RPS6KA2: variants seen among roughly 807,000 people sequenced by gnomAD.
RPS6KA2 encodes the protein ribosomal protein S6 kinase A2.
In RPS6KA2, 42 loss-of-function variants were observed where a neutral mutation model predicts 91.8. The ratio of observed to expected loss-of-function variants is 0.46; its 90% CI spans 0.36 to 0.59. The LOEUF (loss-of-function observed/expected upper bound fraction) is 0.59, where lower values mean the gene tolerates loss of function less well. RPS6KA2 is among the 20% of genes least tolerant of loss of function. The pLI, the probability that RPS6KA2 is intolerant of heterozygous loss-of-function variation, is 0.00. For synonymous variants in RPS6KA2, 414 were observed against 393.6 expected, an observed-to-expected ratio of 1.05 and a Z score of -0.61; for missense variants, 798 against 978.5, an observed-to-expected ratio of 0.82 and a Z score of 2.46.
At chr6:166,590,598 G>A (rs545443131) in intron 1 of RPS6KA2, among the ~76,000 whole-genome samples, 61 of 152,166 alleles carry the variant, frequency 4.0e-4, no homozygotes, top group Non-Finnish European at 7.2e-4. Context: ...GGAATGAGTT[G>A]ATTGCTGCTG....
At chr6:166,649,064 T>C (rs1268657725) in intron 2 of RPS6KA2, among the ~76,000 whole-genome samples, 1 of 152,194 alleles carries the variant, frequency 6.6e-6, no homozygotes. Flanking sequence ...TACCACAAAA[T>C]GTGACTCAAT....
At chr6:166,848,600 C>G (rs926124869) in intron 2 of RPS6KA2, among the ~76,000 whole-genome samples, 5 of 152,232 alleles carry the variant, frequency 3.3e-5, no homozygotes, top group African/African-American at 4.8e-5. Context: ...ATGGCATTCA[C>G]TGCAACCTGG....
chr6:166,423,553 A>G lies in RPS6KA2; in HGVS notation c.1582-136T>C, dbSNP rs1024230723. On this transcript the variant is annotated intron_variant, in intron 16 of 20. Transcript: ENST00000265678. The surrounding 1 kb of genome is among the most constrained non-coding windows in gnomAD (Gnocchi z 4.8). ...TCCTGCAAGCAGGCAACAGGCCAACAGTGTCAACAGCTGCTGTCTTCTCCA... is the reference window on the plus strand; with the variant it reads ...TCCTGCAAGCAGGCAACAGGCCAACGGTGTCAACAGCTGCTGTCTTCTCCA... 5 of 758,488 alleles carry G rather than the reference A, an allele frequency of 6.6e-6. No homozygotes were observed. The African/African-American group carries it at 7.1e-5, about 11-fold the overall frequency. 47.0% of individuals were successfully genotyped at this position (758,488 alleles called of 1,614,324 possible).
intron 2 of RPS6KA2, chr6:166,702,178 G>T: frequency 6.2e-7 from 1 of 1,601,408 alleles, no homozygotes; most frequent in African/African-American, 1.3e-5. Flanking sequence ...TGTTCCGAAT[G>T]GTGGCACCTT....
intron 2 of RPS6KA2, among the ~76,000 whole-genome samples, chr6:166,848,181 G>A (rs1780653110): frequency 6.6e-6 from 1 of 152,130 alleles, no homozygotes; most frequent in Non-Finnish European, 1.5e-5. Flanking sequence ...TATTATCAGG[G>A]AAATGCATAT....
chr6:166,669,858 G>C (rs1195311863), intron 2 of RPS6KA2, among the ~76,000 whole-genome samples: 1 of 152,222 alleles, frequency 6.6e-6, no homozygotes, highest in Non-Finnish European at 1.5e-5. Context: ...CCTATGGGGA[G>C]ACCTACTATG....
intron 2 of RPS6KA2, among the ~76,000 whole-genome samples, chr6:166,661,140 G>A (rs966417196): frequency 4.0e-5 from 6 of 148,322 alleles, no homozygotes; most frequent in East Asian, 2.0e-4. Context: ...TCGCTCTGTC[G>A]CCCAGCCTGG....
chr6:166,826,390 C>G (rs1780049057), intron 2 of RPS6KA2, among the ~76,000 whole-genome samples: 2 of 152,204 alleles, frequency 1.3e-5, no homozygotes, highest in African/African-American at 4.8e-5. Flanking sequence ...GTCCTGAGCA[C>G]TTTGCTCACA....
At chr6:166,461,481 C>G (rs1012993465) in intron 11 of RPS6KA2, among the ~76,000 whole-genome samples, 1 of 142,386 alleles carries the variant, frequency 7.0e-6, no homozygotes, top group South Asian at 2.3e-4. Flanking sequence ...TGTGTGAGAG[C>G]AAGCGAGGGA....
Position 166,612,016 on chromosome 6 carries a change from A to C in RPS6KA2, c.99+14905T>G, listed in dbSNP as rs1046904793. Among the ~76,000 whole-genome samples the C allele has an allele frequency of 1.3e-5, 2 of 152,236 alleles. No individual in the cohort carries two copies. The highest frequency in any genetic ancestry group is 2.9e-5 in the Non-Finnish European group (2 of 68,048). On this transcript the variant is annotated intron_variant, in intron 1 of 20. Coordinates refer to ENST00000265678, the MANE Select transcript of RPS6KA2 (RefSeq NM_021135.6). This position sits in a 1 kb window ranked among gnomAD's most constrained non-coding sequence, Gnocchi z 4.3. Reference sequence around the variant, plus strand: ...AGGCTTGGCTTTCTCCAACTGCCTCATCCTCTAATTGCACAGAAGAAATAC... The same window carrying C: ...AGGCTTGGCTTTCTCCAACTGCCTCCTCCTCTAATTGCACAGAAGAAATAC...
intron 1 of RPS6KA2, among the ~76,000 whole-genome samples, chr6:166,621,321 C>T (rs747919217): frequency 7.9e-5 from 12 of 152,200 alleles, no homozygotes; most frequent in African/African-American, 1.4e-4. Flanking sequence ...CAGGTGCCTC[C>T]GGCTTCCTTG....
At chr6:166,830,491 A>G (rs1400622861) in intron 2 of RPS6KA2, among the ~76,000 whole-genome samples, 2 of 152,200 alleles carry the variant, frequency 1.3e-5, no homozygotes, top group Non-Finnish European at 2.9e-5. Flanking sequence ...CATACTTAGA[A>G]ACCGTTAAGA....
At chr6:166,743,854 T>G (rs1790892329) in intron 2 of RPS6KA2, among the ~76,000 whole-genome samples, 1 of 151,180 alleles carries the variant, frequency 6.6e-6, no homozygotes, top group African/African-American at 2.4e-5. Context: ...CTTTGGCTGG[T>G]GGTCAGTGCA....
intron 1 of RPS6KA2, among the ~76,000 whole-genome samples, chr6:166,613,101 A>G (rs1786247406): frequency 6.6e-6 from 1 of 152,178 alleles, no homozygotes; most frequent in South Asian, 2.1e-4. Flanking sequence ...GAATTTTCTA[A>G]GTTAAGGGGG....
Position 166,412,644 on chromosome 6 carries a change from C to T in RPS6KA2, c.*118G>A, listed in dbSNP as rs771918319. ...AAAGAAAACACGGACACGGCGAGGG[C>T]GGGCGCCGCCTCCCTGCTGGACTTG... On this transcript the variant is annotated 3_prime_UTR_variant, in exon 21 of 21. Coordinates refer to ENST00000265678, the MANE Select transcript of RPS6KA2 (RefSeq NM_021135.6). The surrounding 1 kb of genome is among the most constrained non-coding windows in gnomAD (Gnocchi z 4.3). 4.8e-5 allele frequency: 50 copies of T among 1,035,464 alleles called. No homozygotes were observed. Among genetic ancestry groups the T allele is most frequent in the East Asian group, 8.2e-5 (3 of 36,580 alleles). The allele number at this position is 1,035,464 out of a possible 1,614,324, so 64.1% of individuals were successfully genotyped here.
In RPS6KA2 at chr6:166,510,279, T is replaced by C. The variant is rs781215230; in HGVS notation, c.377A>G (p.Tyr126Cys). Residue 126 changes from tyrosine (Y) to cysteine (C), a missense_variant and splice_region_variant, in exon 4 of 21, where the codon TAT becomes TGT. Transcript: ENST00000265678. ...AGTGTCATTTTGACTCTACTTACCA[T>C]AATGAAGCTTCACAATGAAGGGGTG... is the stretch of plus-strand genomic sequence containing the variant. The part of the protein sequence containing the change: ...VNHPFIVKLH[Y>C]AFQTEGKLYL... 4.4e-6 allele frequency: 7 copies of C among 1,590,374 alleles called. No homozygotes were observed. Among genetic ancestry groups the C allele is most frequent in the Non-Finnish European group, 6.0e-6 (7 of 1,161,390 alleles).
At chr6:166,744,915 C>T (rs962109356) in intron 2 of RPS6KA2, among the ~76,000 whole-genome samples, 1 of 152,194 alleles carries the variant, frequency 6.6e-6, no homozygotes, top group Non-Finnish European at 1.5e-5. Flanking sequence ...GCCTGCCTTT[C>T]CTCATGGGTG....
chr6:166,664,983 A>C (rs1326948292), intron 2 of RPS6KA2, among the ~76,000 whole-genome samples: 2 of 152,134 alleles, frequency 1.3e-5, no homozygotes, highest in African/African-American at 4.8e-5. Context: ...GGCGGCTCAC[A>C]CCTGTAACCC....
intron 1 of RPS6KA2, among the ~76,000 whole-genome samples, chr6:166,571,677 CTT>C (rs5881701): frequency 0.22 from 32,434 of 147,264 alleles, 3,907 homozygotes; most frequent in East Asian, 0.5. Context: ...AGGTGAGAGA[CTT>C]TTTTTTTTTT....
Sources: gnomAD v4.1 joint callset for allele counts (sites outside exome capture counted in the v4.1 genomes callset) on GRCh38, gnomAD v4.1.1 for gene constraint, Gnocchi (gnomAD v3.1) non-coding constraint, MANE v1.5 for transcripts, NCBI Gene and HGNC (gene_info 2026-07-23, HGNC 2026-07-21) for gene names.